The following SCN11A variants were observed in gnomAD, a reference collection of about 807,000 sequenced individuals.
SCN11A encodes the protein sodium channel protein type 11 subunit alpha.
A neutral mutation model predicts 162.2 loss-of-function variants in SCN11A; 122 were observed. That is an observed-to-expected ratio of 0.75 (90% CI 0.65 to 0.87). The LOEUF is 0.87. Among genes scored for constraint, SCN11A ranks in the 40% least tolerant of loss-of-function variants. The probability of loss-of-function intolerance (pLI) is 0.00; values close to 1 mark genes in which losing one functional copy is unlikely to be tolerated. For missense variants in SCN11A, 2,015 were observed against 2,181.6 expected (o/e 0.92, Z 1.52); for synonymous variants, 758 against 751.5 (o/e 1.01, Z -0.14).
At chr3:38,963,389 T>C (rs1226516391) in intron 2 of SCN11A, among the ~76,000 whole-genome samples, 1 of 50,452 alleles carries the variant, frequency 2.0e-5, no homozygotes, top group Non-Finnish European at 3.4e-5. Flanking sequence ...ATATATATGA[T>C]GGAGATATAT....
intron 7 of SCN11A, among the ~76,000 whole-genome samples, chr3:38,938,519 T>TATAC (rs1553642989): frequency 2.3e-3 from 35 of 15,196 alleles, no homozygotes; most frequent in African/African-American, 0.01. Flanking sequence ...CATATATATA[T>TATAC]ATATATATAT....
At chr3:38,867,995 A>G (rs2126093246) in intron 26 of SCN11A, among the ~76,000 whole-genome samples, 1 of 152,336 alleles carries the variant, frequency 6.6e-6, no homozygotes, top group African/African-American at 2.4e-5. Context: ...TTTTTGATAC[A>G]CATGGAATAA....
intron 7 of SCN11A, among the ~76,000 whole-genome samples, chr3:38,932,781 C>T (rs2066264215): frequency 6.6e-6 from 1 of 152,208 alleles, no homozygotes; most frequent in African/African-American, 2.4e-5. Context: ...GTAGGCTCCA[C>T]CTCTGGGGGC....
chr3:38,989,161 G>A (rs752927665), intron 2 of SCN11A, among the ~76,000 whole-genome samples: 1 of 152,194 alleles, frequency 6.6e-6, no homozygotes, highest in Non-Finnish European at 1.5e-5. Flanking sequence ...GCGATGCTGG[G>A]GAGACCACAA....
chr3:38,911,883 G>T (rs2065891494), intron 11 of SCN11A, among the ~76,000 whole-genome samples: 1 of 151,910 alleles, frequency 6.6e-6, no homozygotes, highest in Admixed American at 6.6e-5. Flanking sequence ...GCCCTTTCTG[G>T]TTCTCTTGTT....
At chr3:38,934,771 T>C (rs547893355) in intron 7 of SCN11A, among the ~76,000 whole-genome samples, 2 of 151,912 alleles carry the variant, frequency 1.3e-5, no homozygotes, top group African/African-American at 4.8e-5. Context: ...TCCCACACAA[T>C]AATAATGGGA....
Position 38,894,562 on chromosome 3 carries a change from G to T in SCN11A, c.2806C>A (p.Arg936Ser). The change falls in exon 19 of 30, where the codon CGC (arginine) becomes AGC (serine). Residue 936 changes from arginine to serine, a missense_variant. Transcript: ENST00000302328. ...VEFSGEDNAQRITQPEPEQQA... is the reference protein window; with the variant it reads ...VEFSGEDNAQSITQPEPEQQA... ...TGTTCAGGCTCAGGTTGTGTGATGC[G>T]CTGTGCATTATCTTCACCAGAAAAT... 6.2e-7 allele frequency: 1 copy of T among 1,612,196 alleles called. No individual in the cohort carries two copies. Among genetic ancestry groups the T allele is most frequent in the Non-Finnish European group, 8.5e-7 (1 of 1,179,070 alleles).
At chr3:39,040,666 A>T (rs73064289) in intron 1 of SCN11A, among the ~76,000 whole-genome samples, 15,786 of 152,264 alleles carry the variant, frequency 0.1, 1,036 homozygotes, top group East Asian at 0.22. Context: ...GAAATTCAAC[A>T]AAGAAACATA....
intron 7 of SCN11A, among the ~76,000 whole-genome samples, chr3:38,944,029 T>A (rs1387727945): frequency 3.9e-5 from 6 of 152,346 alleles, no homozygotes; most frequent in Admixed American, 1.3e-4. Context: ...CCAATTACCC[T>A]TAAGTGATCA....
At chr3:38,981,923 G>C (rs1242160380) in intron 2 of SCN11A, among the ~76,000 whole-genome samples, 1 of 151,582 alleles carries the variant, frequency 6.6e-6, no homozygotes, top group African/African-American at 2.4e-5. Flanking sequence ...AGAATCACTT[G>C]AACCCAGGAG....
intron 2 of SCN11A, among the ~76,000 whole-genome samples, chr3:39,027,337 G>A (rs1271801272): frequency 3.3e-5 from 5 of 152,164 alleles, no homozygotes; most frequent in South Asian, 2.1e-4. Context: ...ATTAAACCAC[G>A]AGATTTGCAA....
At chr3:39,005,136 T>G (rs1207740091) in intron 2 of SCN11A, among the ~76,000 whole-genome samples, 1 of 152,214 alleles carries the variant, frequency 6.6e-6, no homozygotes, top group Non-Finnish European at 1.5e-5. Flanking sequence ...TTCTATACAA[T>G]GTCTGGAATC....
chr3:38,911,333 A>G (rs2065885118), intron 11 of SCN11A, among the ~76,000 whole-genome samples: 1 of 152,222 alleles, frequency 6.6e-6, no homozygotes, highest in South Asian at 2.1e-4. Context: ...TTCCTTAGCA[A>G]TATGAAAGCA....
chr3:39,050,104 A>G (rs1330044321), intron 1 of SCN11A, among the ~76,000 whole-genome samples: 1 of 152,154 alleles, frequency 6.6e-6, no homozygotes, highest in African/African-American at 2.4e-5. Flanking sequence ...TTATTTCCCT[A>G]CCTGTATTTC....
chr3:38,853,323 C>A (rs1208742991), intron 28 of SCN11A, among the ~76,000 whole-genome samples: 2 of 152,216 alleles, frequency 1.3e-5, no homozygotes, highest in East Asian at 1.9e-4. Flanking sequence ...GTTGTTGGCT[C>A]AAGTTCAAGT....
intron 28 of SCN11A, among the ~76,000 whole-genome samples, chr3:38,860,979 T>C (rs6799915): frequency 0.25 from 38,684 of 151,964 alleles, 5,061 homozygotes; most frequent in Middle Eastern, 0.3. Context: ...TATGACTGTA[T>C]ACTTAGAAAA....
intron 19 of SCN11A, among the ~76,000 whole-genome samples, chr3:38,888,861 G>A (rs984217406): frequency 2.6e-5 from 4 of 152,072 alleles, no homozygotes; most frequent in Non-Finnish European, 5.9e-5. Context: ...AGACCAAGGT[G>A]GCCAAGAAGA....
chr3:38,901,456 T>G (rs2065697624), intron 16 of SCN11A, among the ~76,000 whole-genome samples: 1 of 152,212 alleles, frequency 6.6e-6, no homozygotes, highest in African/African-American at 2.4e-5. Flanking sequence ...GTATCTCCTT[T>G]AGGCTTTAGG....
chr3:38,909,299 C>A lies in SCN11A; in HGVS notation c.1102-105G>T, dbSNP rs752053256. On this transcript the variant is annotated intron_variant, in intron 12 of 29. Coordinates refer to ENST00000302328, the MANE Select transcript of SCN11A (RefSeq NM_001349253.2). ...CAGTAGCAGACAACTGGTCTTCCCC[C>A]AGCACTGGTGGGCTCAGTTGACCAC... 3.3e-4 allele frequency: 339 copies of A among 1,027,808 alleles called. 1 individual carries two copies. Among genetic ancestry groups the A allele is most frequent in the Non-Finnish European group, 4.7e-4 (320 of 683,688 alleles). 63.7% of individuals were successfully genotyped at this position (1,027,808 alleles called of 1,614,324 possible).
Sources: gnomAD v4.1 joint callset for allele counts (sites outside exome capture counted in the v4.1 genomes callset) on GRCh38, gnomAD v4.1.1 for gene constraint, MANE v1.5 for transcripts, NCBI Gene and HGNC (gene_info 2026-07-23, HGNC 2026-07-21) for gene names.